R3HDM2: variants seen among roughly 807,000 people sequenced by gnomAD.
R3HDM2 encodes the protein R3H domain-containing protein 2.
In R3HDM2, 38 loss-of-function variants were observed where a neutral mutation model predicts 124.5. That is an observed-to-expected ratio of 0.31 (90% CI 0.24 to 0.40). R3HDM2 has a LOEUF of 0.40. Among genes scored for constraint, R3HDM2 ranks in the 10% least tolerant of loss-of-function variants. The pLI, the probability that R3HDM2 is intolerant of heterozygous loss-of-function variation, is 1.00. For synonymous variants in R3HDM2, 391 were observed against 448.0 expected (o/e 0.87, Z 1.61); for missense variants, 869 against 1,236.9 (o/e 0.70, Z 4.46).
chr12:57,425,684 G>C (rs2070672847), intron 1 of R3HDM2, among the ~76,000 whole-genome samples: 2 of 152,110 alleles, frequency 1.3e-5, no homozygotes, highest in South Asian at 4.1e-4. Context: ...CTATAATCCA[G>C]CTAGTTGGGA....
chr12:57,269,231 C>T (rs1172311123), intron 16 of R3HDM2, 92 bp downstream of exon 16: 15 of 1,564,440 alleles, frequency 9.6e-6, no homozygotes, highest in Admixed American at 5.3e-5. Flanking sequence ...TGCCCCTAGA[C>T]CCACCTTCAT....
At chr12:57,397,105 A>G (rs1323373563) in intron 1 of R3HDM2, among the ~76,000 whole-genome samples, 1 of 152,204 alleles carries the variant, frequency 6.6e-6, no homozygotes, top group Non-Finnish European at 1.5e-5. Flanking sequence ...AAGAAAAAAA[A>G]AAAATTGTCT....
chr12:57,309,323 T>A (rs2053429775), intron 3 of R3HDM2, among the ~76,000 whole-genome samples: 1 of 152,178 alleles, frequency 6.6e-6, no homozygotes, highest in Non-Finnish European at 1.5e-5. Context: ...TTGTTGGGCT[T>A]GGGTAACAGA....
chr12:57,307,517 C>T (rs541635245), intron 3 of R3HDM2, among the ~76,000 whole-genome samples: 36 of 151,934 alleles, frequency 2.4e-4, no homozygotes, highest in African/African-American at 8.0e-4. Flanking sequence ...GATGGGGTTT[C>T]GCCATGTTGG....
chr12:57,374,857 G>A (rs1163619499), intron 2 of R3HDM2, among the ~76,000 whole-genome samples: 9 of 149,418 alleles, frequency 6.0e-5, no homozygotes, highest in African/African-American at 1.7e-4. Flanking sequence ...ATAGTCGGGC[G>A]TGGTGGCGGG....
intron 14 of R3HDM2, among the ~76,000 whole-genome samples, chr12:57,276,920 T>G (rs1235037024): frequency 6.6e-6 from 1 of 151,442 alleles, no homozygotes; most frequent in Non-Finnish European, 1.5e-5. Context: ...AAAATGGACT[T>G]TGGAGACTTG....
In R3HDM2 at chr12:57,316,582, CTTTTTTTTTT is replaced by C. The variant is rs761496804; in HGVS notation, c.-35-6129_-35-6120del. On this transcript the variant is annotated intron_variant, in intron 2 of 23. Coordinates refer to ENST00000402412, the MANE Select transcript of R3HDM2 (RefSeq NM_001394031.1). The stretch of plus-strand genomic sequence containing the variant: ...CAGAGAAAATAAGCCTGCATCCATC[CTTTTTTTTTT>C]TTTTTTTTTTTGAGATGGAGTCTCA... 1.2e-4 allele frequency among the ~76,000 whole-genome samples: 12 copies of C among 100,118 alleles called. No individual in the cohort carries two copies. In the Admixed American group the frequency reaches 1.5e-3, roughly 12 times the overall value. 65.7% of individuals were successfully genotyped at this position (100,118 alleles called of 152,430 possible).
chr12:57,267,360 A>T (rs1000866749), intron 18 of R3HDM2, among the ~76,000 whole-genome samples: 1 of 152,106 alleles, frequency 6.6e-6, no homozygotes, highest in Admixed American at 6.5e-5. Context: ...TTCGAGACCA[A>T]CCTGGCCAAC....
In R3HDM2 at chr12:57,383,347, GTTA is replaced by G. The variant is rs566656555; in HGVS notation, c.-36+12399_-36+12401del. 1.2e-4 allele frequency among the ~76,000 whole-genome samples: 19 copies of G among 152,214 alleles called. No homozygotes were observed. The South Asian group carries it at 2.9e-3, about 23-fold the overall frequency. ...AAATAAAGGTTAGCTATTATTTTGT[GTTA>G]TTATTAAGTCTTCTTTAATACATTG... On this transcript the variant is annotated intron_variant, in intron 2 of 23. Transcript: ENST00000402412.
rs536083286 is a variant in R3HDM2, at chr12:57,309,249, T to A, written c.165+1015A>T. Among the ~76,000 whole-genome samples the A allele has an allele frequency of 3.3e-5, 5 of 152,350 alleles. No individual in the cohort carries two copies. The East Asian group carries it at 9.6e-4, about 29-fold the overall frequency. ...GTTTTAATCTAACTTCTTGCTAGTG[T>A]TAATTGTCTGTCTCTTGACTTATAA... On this transcript the variant is annotated intron_variant, in intron 3 of 23. Transcript: ENST00000402412.
At chr12:57,416,333 G>A (rs79987515) in intron 1 of R3HDM2, among the ~76,000 whole-genome samples, 1,820 of 152,216 alleles carry the variant, frequency 0.012, 13 homozygotes, top group Non-Finnish European at 0.019. Flanking sequence ...TTATCAATTG[G>A]TAAATACAGG....
At chr12:57,267,837 G>A (rs2042817983) in intron 18 of R3HDM2, among the ~76,000 whole-genome samples, 1 of 152,098 alleles carries the variant, frequency 6.6e-6, no homozygotes, top group Non-Finnish European at 1.5e-5. Flanking sequence ...AAGGGGAGTG[G>A]ACTAGATGAT....
At chr12:57,339,519 G>A (rs2059289556) in intron 2 of R3HDM2, among the ~76,000 whole-genome samples, 1 of 151,874 alleles carries the variant, frequency 6.6e-6, no homozygotes, top group Non-Finnish European at 1.5e-5. Context: ...CCAACATGGT[G>A]AAACCCCATC....
At chr12:57,428,136 G>A (rs888207445) in intron 1 of R3HDM2, among the ~76,000 whole-genome samples, 1 of 150,874 alleles carries the variant, frequency 6.6e-6, no homozygotes, top group African/African-American at 2.4e-5. Flanking sequence ...AAAAAAGAGT[G>A]AAATTTGAGT....
intron 2 of R3HDM2, among the ~76,000 whole-genome samples, chr12:57,324,303 C>A (rs1254358410): frequency 6.6e-6 from 1 of 152,180 alleles, no homozygotes; most frequent in Non-Finnish European, 1.5e-5. Flanking sequence ...CCTGCCTCAG[C>A]CTCCCCAGTA....
At chr12:57,364,952 CAA>C (rs1214204891) in intron 2 of R3HDM2, among the ~76,000 whole-genome samples, 14 of 46,476 alleles carry the variant, frequency 3.0e-4, no homozygotes, top group African/African-American at 5.1e-4. Flanking sequence ...GACTCCATCT[CAA>C]AAAAAAAAAA....
At chr12:57,349,072 C>A (rs1318649455) in intron 2 of R3HDM2, among the ~76,000 whole-genome samples, 1 of 151,630 alleles carries the variant, frequency 6.6e-6, no homozygotes, top group East Asian at 1.9e-4. Flanking sequence ...CTGGATAATG[C>A]CAGAATTTGG....
At chr12:57,422,093 C>CAAAAAAA (rs35439340) in intron 1 of R3HDM2, among the ~76,000 whole-genome samples, 1 of 74,392 alleles carries the variant, frequency 1.3e-5, no homozygotes, top group Non-Finnish European at 2.5e-5. Context: ...CTCCGCCTAG[C>CAAAAAAA]AAAAAAAAAA....
In R3HDM2 at chr12:57,294,431, T is replaced by G. The variant is rs576651097; in HGVS notation, c.810+968A>C. On this transcript the variant is annotated intron_variant, in intron 10 of 23. Transcript: ENST00000402412. ...TGTCTTTTTGTATGTTTCTTTGTTT[T>G]CAATCAGTCCCAGTGTGTTTGTCCA... is the stretch of plus-strand genomic sequence containing the variant. 2.6e-5 allele frequency among the ~76,000 whole-genome samples: 4 copies of G among 152,258 alleles called. No individual in the cohort carries two copies. In the East Asian group the frequency reaches 7.7e-4, roughly 29 times the overall value.
Sources: gnomAD v4.1 joint callset for allele counts (sites outside exome capture counted in the v4.1 genomes callset) on GRCh38, gnomAD v4.1.1 for gene constraint, MANE v1.5 for transcripts, NCBI Gene and HGNC (gene_info 2026-07-23, HGNC 2026-07-21) for gene names.